The following RNGTT variants were observed in gnomAD, a reference collection of about 807,000 sequenced individuals.
RNGTT encodes mRNA-capping enzyme.
RNGTT carries 33 observed loss-of-function variants against 79.3 expected under a neutral mutation model. The observed-to-expected ratio is 0.42, with a 90% confidence interval of 0.32 to 0.56. The LOEUF (loss-of-function observed/expected upper bound fraction) is 0.56, where lower values mean the gene tolerates loss of function less well. Among genes scored for constraint, RNGTT ranks in the 20% least tolerant of loss-of-function variants. RNGTT has a pLI of 0.17. For missense variants in RNGTT, 497 were observed against 739.1 expected, an observed-to-expected ratio of 0.67 and a Z score of 3.80; for synonymous variants, 222 against 235.9, an observed-to-expected ratio of 0.94 and a Z score of 0.54.
At chr6:88,771,810 C>T (rs527691474) in intron 12 of RNGTT, among the ~76,000 whole-genome samples, 12 of 151,912 alleles carry the variant, frequency 7.9e-5, no homozygotes, top group South Asian at 2.1e-4. Flanking sequence ...AAATTATCAA[C>T]GCAAAAATTC....
chr6:88,682,812 A>G (rs2756412), intron 13 of RNGTT, among the ~76,000 whole-genome samples: 40,528 of 152,032 alleles, frequency 0.27, 9,470 homozygotes, highest in African/African-American at 0.63. Flanking sequence ...AACATAACTC[A>G]GCTAGAAATC....
At chr6:88,645,219 C>G (rs1461478480) in intron 14 of RNGTT, among the ~76,000 whole-genome samples, 1 of 152,122 alleles carries the variant, frequency 6.6e-6, no homozygotes, top group Non-Finnish European at 1.5e-5. Flanking sequence ...AACAGACAAA[C>G]AGAGAGCCAA....
At chr6:88,748,510 C>G (rs543067729) in intron 13 of RNGTT, among the ~76,000 whole-genome samples, 2 of 152,164 alleles carry the variant, frequency 1.3e-5, no homozygotes, top group African/African-American at 4.8e-5. Context: ...TGTCACTCCT[C>G]CCCTTCAAAC....
chr6:88,618,288 A>G (rs1772309058), intron 14 of RNGTT, among the ~76,000 whole-genome samples: 1 of 152,216 alleles, frequency 6.6e-6, no homozygotes, highest in Admixed American at 6.5e-5. Context: ...TAGATGCACT[A>G]CAAGTTACTC....
At chr6:88,646,603 C>A (rs1025563668) in intron 14 of RNGTT, among the ~76,000 whole-genome samples, 8 of 152,116 alleles carry the variant, frequency 5.3e-5, no homozygotes, top group East Asian at 1.9e-4. Context: ...CAAATGTCCA[C>A]CAATGATAGA....
At chr6:88,650,342 C>T (rs1773750632) in intron 14 of RNGTT, among the ~76,000 whole-genome samples, 1 of 152,116 alleles carries the variant, frequency 6.6e-6, no homozygotes. Context: ...TTTTACATCA[C>T]CCAATTAACC....
chr6:88,912,495 T>A (rs1226288634), intron 4 of RNGTT, among the ~76,000 whole-genome samples: 2 of 150,440 alleles, frequency 1.3e-5, no homozygotes, highest in Non-Finnish European at 3.0e-5. Context: ...AACAAACAAA[T>A]CCCAAAATTA....
At chr6:88,916,405 G>A (rs1324294278) in intron 4 of RNGTT, among the ~76,000 whole-genome samples, 1 of 152,200 alleles carries the variant, frequency 6.6e-6, no homozygotes, top group African/African-American at 2.4e-5. Flanking sequence ...TCCAGGAGGT[G>A]GAGGGGGCTG....
intron 14 of RNGTT, among the ~76,000 whole-genome samples, chr6:88,635,538 T>A (rs920493366): frequency 6.6e-6 from 1 of 152,108 alleles, no homozygotes; most frequent in Non-Finnish European, 1.5e-5. Context: ...TCTTGATTAT[T>A]GTCCTGCAGT....
At chr6:88,867,410 G>A (rs559494860) in intron 8 of RNGTT, among the ~76,000 whole-genome samples, 1 of 152,112 alleles carries the variant, frequency 6.6e-6, no homozygotes, top group South Asian at 2.1e-4. Context: ...TTGAACCTGG[G>A]GGGCAGAGGT....
chr6:88,677,978 ACT>A (rs1774939778), intron 14 of RNGTT: 1 of 115,098 alleles, frequency 8.7e-6, no homozygotes. Context: ...CCTCACATTC[ACT>A]TTTTTTTTTT....
At chr6:88,799,426 C>T (rs371966337) in intron 12 of RNGTT, among the ~76,000 whole-genome samples, 5 of 152,050 alleles carry the variant, frequency 3.3e-5, no homozygotes, top group African/African-American at 9.7e-5. Flanking sequence ...CGGCCCGGCG[C>T]GGTGGCTCAC....
intron 13 of RNGTT, among the ~76,000 whole-genome samples, chr6:88,692,111 G>A (rs1775504139): frequency 6.6e-6 from 1 of 152,070 alleles, no homozygotes; most frequent in Non-Finnish European, 1.5e-5. Flanking sequence ...ACAAAATGAT[G>A]GTTTTCAGAA....
intron 14 of RNGTT, among the ~76,000 whole-genome samples, chr6:88,660,110 T>G (rs1157351987): frequency 6.6e-6 from 1 of 152,158 alleles, no homozygotes; most frequent in Non-Finnish European, 1.5e-5. Flanking sequence ...CTGAGATAAT[T>G]TGCCACTACT....
Position 88,727,371 on chromosome 6 carries a change from T to C in RNGTT, c.1439+42403A>G, listed in dbSNP as rs1472548922. Among the ~76,000 whole-genome samples the C allele has an allele frequency of 2.0e-5, 3 of 152,216 alleles. 1 individual carries two copies. Among genetic ancestry groups the C allele is most frequent in the South Asian group, 2.1e-4 (1 of 4,834 alleles). On this transcript the variant is annotated intron_variant, in intron 13 of 15. Transcript: ENST00000369485. ...GTTTAAGCAAGTTTTGAAATGTTAA[T>C]TGTGAAGGTAATTCTGTGTGTAAAC...
intron 4 of RNGTT, among the ~76,000 whole-genome samples, chr6:88,913,304 C>A (rs1783896151): frequency 6.6e-6 from 1 of 151,256 alleles, no homozygotes; most frequent in Non-Finnish European, 1.5e-5. Context: ...TGGTACCAAT[C>A]CTACTGAAAC....
Position 88,742,086 on chromosome 6 carries a change from T to C in RNGTT, c.1439+27688A>G, listed in dbSNP as rs9451069. Among the ~76,000 whole-genome samples the C allele has an allele frequency of 9.7e-3, 1,483 of 152,290 alleles. 17 individuals are homozygous for C. Among genetic ancestry groups the C allele is most frequent in the African/African-American group, 0.033 (1,392 of 41,564 alleles). ...TTTACAGCATGATGACACTGCACTG[T>C]AAAAACAAGAGGTCCTGAATTCTAT... On this transcript the variant is annotated intron_variant, in intron 13 of 15. Transcript: ENST00000369485.
chr6:88,717,769 A>T (rs934048541), intron 13 of RNGTT, among the ~76,000 whole-genome samples: 2 of 151,488 alleles, frequency 1.3e-5, no homozygotes, highest in South Asian at 4.2e-4. Context: ...GACAATAACC[A>T]CTCCACTCTA....
chr6:88,859,756 C>T (rs151007965), intron 8 of RNGTT, among the ~76,000 whole-genome samples: 168 of 152,248 alleles, frequency 1.1e-3, no homozygotes, highest in Non-Finnish European at 1.6e-3. Flanking sequence ...TAATAGTTGT[C>T]CTTTGCTATT....
Sources: gnomAD v4.1 joint callset for allele counts (sites outside exome capture counted in the v4.1 genomes callset) on GRCh38, gnomAD v4.1.1 for gene constraint, MANE v1.5 for transcripts, NCBI Gene and HGNC (gene_info 2026-07-23, HGNC 2026-07-21) for gene names.